The following ZBTB40 variants were observed in gnomAD, a reference collection of about 807,000 sequenced individuals.
The protein encoded by ZBTB40 is zinc finger and BTB domain containing 40.
In ZBTB40, 60 loss-of-function variants were observed where a neutral mutation model predicts 117.5. That is an observed-to-expected ratio of 0.51 (90% confidence interval 0.41 to 0.63). The LOEUF (loss-of-function observed/expected upper bound fraction) is 0.63. Ranked by LOEUF, ZBTB40 falls within the 30% of genes least tolerant of loss-of-function variation. The probability of loss-of-function intolerance (pLI) is 0.00; values close to 1 mark genes in which losing one functional copy is unlikely to be tolerated. For synonymous variants in ZBTB40, 525 were observed against 577.1 expected, an observed-to-expected ratio of 0.91 and a Z score of 1.29; for missense variants, 1,287 against 1,498.5, an observed-to-expected ratio of 0.86 and a Z score of 2.33.
rs1391548454 is a variant in ZBTB40 at position 22,470,670 on chromosome 1, A to G, written c.-70+18666A>G. On this transcript the variant is annotated intron_variant, in intron 1 of 17. Transcript: ENST00000375647. ...TCATGATTATTAGATACCTGCCAAA[A>G]GTTATCTCAAAGACAAAGCAATGCA... Among the ~76,000 whole-genome samples the G allele has an allele frequency of 7.9e-5, 12 of 152,352 alleles. No homozygotes were observed. The South Asian group carries it at 2.3e-3, about 29-fold the overall frequency.
chr1:22,465,570 G>C (rs1317403273), intron 1 of ZBTB40, among the ~76,000 whole-genome samples: 1 of 152,172 alleles, frequency 6.6e-6, no homozygotes, highest in Non-Finnish European at 1.5e-5. Flanking sequence ...CTTCTACCTG[G>C]GACTCTGTCT....
chr1:22,456,016 A>T (rs1214152677), intron 1 of ZBTB40, among the ~76,000 whole-genome samples: 1 of 152,020 alleles, frequency 6.6e-6, no homozygotes, highest in Non-Finnish European at 1.5e-5. Context: ...GCCTCTTTCA[A>T]CTCTTCAGCA....
chr1:22,502,458 TCTCCTCCCTCCTC>T lies in ZBTB40; in HGVS notation c.1167+20_1167+32del. On this transcript the variant is annotated intron_variant, in intron 5 of 17. Transcript: ENST00000375647. ...GAAAAAAGGGTAACTGTGTCAAGTG[TCTCCTCCCTCCTC>T]CTGAATTCATATAGCACTTAAAAAA... 4 of 1,613,938 alleles carry T rather than the reference TCTCCTCCCTCCTC, an allele frequency of 2.5e-6. No homozygotes were observed. Among genetic ancestry groups the T allele is most frequent in the Non-Finnish European group, 3.4e-6 (4 of 1,179,876 alleles).
rs1289723160 is a variant in ZBTB40 at position 22,528,871 on chromosome 1, T to C, written c.*2475T>C. On this transcript the variant is annotated 3_prime_UTR_variant, in exon 18 of 18. Transcript: ENST00000375647. Reference sequence around the variant, plus strand: ...TGGAGACCCAGATTGTGACAAGACATTTGTTTTCTTCGGAATCACCAGATT... The same window carrying C: ...TGGAGACCCAGATTGTGACAAGACACTTGTTTTCTTCGGAATCACCAGATT... 2.0e-5 allele frequency: 3 copies of C among 152,168 alleles called. No individual in the cohort carries two copies. Among genetic ancestry groups the C allele is most frequent in the African/African-American group, 7.2e-5 (3 of 41,428 alleles). The allele number at this position is 152,168 out of a possible 1,614,324, so 9.4% of individuals were successfully genotyped here.
intron 1 of ZBTB40, among the ~76,000 whole-genome samples, chr1:22,471,751 T>A (rs775204783): frequency 6.6e-6 from 1 of 152,188 alleles, no homozygotes; most frequent in Admixed American, 6.5e-5. Flanking sequence ...ACTGTAGGGT[T>A]ATGGGGATGC....
chr1:22,509,272 A>C lies in ZBTB40; in HGVS notation c.1833+39A>C, dbSNP rs756367245. ...AAAAAGCGAAATGCCAGAGAGTTTTACAGTTGTTGCCTGGGACTGTCTTCA... is the reference window on the plus strand; with the variant it reads ...AAAAAGCGAAATGCCAGAGAGTTTTCCAGTTGTTGCCTGGGACTGTCTTCA... On this transcript the variant is annotated intron_variant, in intron 9 of 17. Transcript: ENST00000375647. 43 of 1,613,608 alleles carry C rather than the reference A, an allele frequency of 2.7e-5. No homozygotes were observed. The Middle Eastern group carries it at 6.8e-4, about 25-fold the overall frequency.
chr1:22,481,225 A>G (rs1638299662), intron 1 of ZBTB40, among the ~76,000 whole-genome samples: 1 of 151,926 alleles, frequency 6.6e-6, no homozygotes, highest in Admixed American at 6.6e-5. Flanking sequence ...GGAGAAAAAG[A>G]GCCATTTACT....
At chr1:22,431,931 G>A (rs1236693643) in intron 1 of ZBTB40, among the ~76,000 whole-genome samples, 1 of 151,384 alleles carries the variant, frequency 6.6e-6, no homozygotes, top group Non-Finnish European at 1.5e-5. Flanking sequence ...TTTTGCTCCC[G>A]CCTGGTTTCC....
chr1:22,511,825 C>CCAGG lies in ZBTB40; in HGVS notation c.2153_2156dup (p.Gln720ArgfsTer21). 6.2e-7 allele frequency: 1 copy of CCAGG among 1,614,124 alleles called. No individual in the cohort carries two copies. The highest frequency in any genetic ancestry group is 8.5e-7 in the Non-Finnish European group (1 of 1,180,022). The stretch of plus-strand genomic sequence containing the variant: ...TGATCAAGGAGAGACTGGTTCCTTG[C>CCAGG]CAGGACAGCAAGAGAAAGAGGCTTC... On this transcript the variant is annotated frameshift_variant, in exon 11 of 18. Transcript: ENST00000375647. LOFTEE classifies it high-confidence loss of function.
chr1:22,487,130 C>T (rs539862555), intron 1 of ZBTB40, among the ~76,000 whole-genome samples: 4 of 152,206 alleles, frequency 2.6e-5, no homozygotes, highest in South Asian at 2.1e-4. Flanking sequence ...TCTTTTCTGA[C>T]GAATTAAAGA....
chr1:22,506,123 G>C lies in ZBTB40; in HGVS notation c.1242G>C (p.Glu414Asp). ...ATTTGTTGCACAGAATGACTGAAGA[G>C]AAGACGCTGACTGCTGAGGGTTTGG... ...IENLLHRMTEEKTLTAEGLVK... is the reference protein window; with the variant it reads ...IENLLHRMTEDKTLTAEGLVK... Residue 414 changes from glutamate (E) to aspartate (D), a missense_variant, in exon 6 of 18, where the codon GAG (glutamate) becomes GAC (aspartate). Physicochemically the swap from Glu to Asp is conservative, Grantham distance 45. Transcript: ENST00000375647. 1.2e-6 allele frequency: 2 copies of C among 1,614,202 alleles called. No homozygotes were observed.
chr1:22,438,751 G>T (rs1180977410), intron 1 of ZBTB40, among the ~76,000 whole-genome samples: 3 of 152,104 alleles, frequency 2.0e-5, no homozygotes, highest in African/African-American at 7.2e-5. Context: ...TTGAAGTTTT[G>T]ATTTGCATTT....
At chr1:22,452,876 T>G (rs1640915849) in intron 1 of ZBTB40, 1 of 152,378 alleles carries the variant, frequency 6.6e-6, no homozygotes, top group African/African-American at 2.4e-5. Flanking sequence ...ATGCAGCCAG[T>G]GCTGCAATGA....
rs773044809 is a variant in ZBTB40, at chr1:22,511,850, C to T, written c.2177C>T (p.Ser726Leu). 6.2e-7 allele frequency: 1 copy of T among 1,614,198 alleles called. No individual in the cohort carries two copies. The highest frequency in any genetic ancestry group is 1.1e-5 in the South Asian group (1 of 91,074). Residue 726 changes from serine (S) to leucine (L), a missense_variant, in exon 11 of 18, where the codon TCA (serine) becomes TTA (leucine). Ser to Leu is a moderately radical substitution (Grantham distance 145). This residue lies in a region of ZBTB40 where 870 missense variants were observed against 934.4 expected (regional missense o/e 0.93). Coordinates refer to ENST00000375647, the MANE Select transcript of ZBTB40 (RefSeq NM_014870.4). ...SLPGQQEKEA[S>L]ASPDPAKKSF... is the part of the protein sequence containing the mutation. ...CCAGGACAGCAAGAGAAAGAGGCTT[C>T]AGCCTCCCCAGACCCTGCCAAGAAG...
upstream of ZBTB40, among the ~76,000 whole-genome samples, chr1:22,447,322 T>C (rs1303357333): frequency 6.6e-6 from 1 of 152,020 alleles, no homozygotes. Context: ...AGTAGAGTAG[T>C]TAAGAGGTAA....
chr1:22,457,720 T>C (rs557800532), intron 1 of ZBTB40, among the ~76,000 whole-genome samples: 1 of 152,322 alleles, frequency 6.6e-6, no homozygotes, highest in South Asian at 2.1e-4. Context: ...TTAGCTATAG[T>C]GGGGTTATTT....
At chr1:22,465,479 G>T (rs1261342612) in intron 1 of ZBTB40, among the ~76,000 whole-genome samples, 8 of 152,166 alleles carry the variant, frequency 5.3e-5, no homozygotes, top group Admixed American at 5.2e-4. Context: ...TCCCACTCTG[G>T]TCAGTGGGAC....
At chr1:22,510,788 C>T (rs1423486326) in intron 9 of ZBTB40, among the ~76,000 whole-genome samples, 1 of 152,100 alleles carries the variant, frequency 6.6e-6, no homozygotes, top group Admixed American at 6.6e-5. Flanking sequence ...ATTATGAAAA[C>T]TTATTCTGAT....
Position 22,501,486 on chromosome 1 carries a change from C to G in ZBTB40, c.832-6C>G. 1 of 1,613,976 alleles carries G rather than the reference C, an allele frequency of 6.2e-7. No homozygotes were observed. The highest frequency in any genetic ancestry group is 1.1e-5 in the South Asian group (1 of 91,074). ...ATCTATCTTTCTGGGTACTTTTGTT[C>G]CATAGATGATAGTGAAATGTTTCGA... On this transcript the variant is annotated splice_region_variant and splice_polypyrimidine_tract_variant and intron_variant, in intron 3 of 17. Transcript: ENST00000375647.
Sources: gnomAD v4.1 joint callset for allele counts (sites outside exome capture counted in the v4.1 genomes callset) on GRCh38, gnomAD v4.1.1 for gene constraint, gnomAD v4.1.1 regional missense constraint, MANE v1.5 for transcripts, NCBI Gene and HGNC (gene_info 2026-07-23, HGNC 2026-07-21) for gene names.